Variants in TUBGCP2 observed in about 807,000 individuals in gnomAD.
TUBGCP2 encodes gamma-tubulin complex component 2.
A neutral mutation model predicts 92.2 loss-of-function variants in TUBGCP2; 55 were observed. The observed-to-expected ratio is 0.60, with a 90% confidence interval of 0.48 to 0.75. The LOEUF (loss-of-function observed/expected upper bound fraction) is 0.75, where lower values mean the gene tolerates loss of function less well. TUBGCP2 is among the 30% of genes least tolerant of loss of function. TUBGCP2 has a pLI of 0.00. For synonymous variants in TUBGCP2, 533 were observed against 505.2 expected, an observed-to-expected ratio of 1.06 and a Z score of -0.74; for missense variants, 1,093 against 1,188.9, an observed-to-expected ratio of 0.92 and a Z score of 1.19.
intron 11 of TUBGCP2, among the ~76,000 whole-genome samples, chr10:133,286,627 C>T (rs1847140891): frequency 1.3e-5 from 2 of 152,158 alleles, no homozygotes; most frequent in Admixed American, 6.5e-5. Context: ...GCACGGAACA[C>T]TCTCCAGGAT....
intron 17 of TUBGCP2, 96 bp from the exon 18 acceptor site, chr10:133,279,997 A>G (rs1846926576): frequency 2.0e-6 from 3 of 1,508,402 alleles, no homozygotes; most frequent in Admixed American, 2.4e-5. Flanking sequence ...TAGGGTGCAC[A>G]CCCCTTCTGC....
intron 4 of TUBGCP2, among the ~76,000 whole-genome samples, chr10:133,299,173 G>A (rs774577392): frequency 3.3e-5 from 5 of 152,126 alleles, no homozygotes; most frequent in African/African-American, 4.8e-5. Flanking sequence ...CAACTCCCAC[G>A]TGGGTCAGAA....
At chr10:133,299,210 C>A (rs1847567482) in intron 4 of TUBGCP2, among the ~76,000 whole-genome samples, 1 of 151,966 alleles carries the variant, frequency 6.6e-6, no homozygotes, top group African/African-American at 2.4e-5. Context: ...TCTTGTGGTC[C>A]AGAATTCTTG....
At chr10:133,307,920 G>GTA (rs1476971732) in intron 1 of TUBGCP2, among the ~76,000 whole-genome samples, 1 of 152,170 alleles carries the variant, frequency 6.6e-6, no homozygotes, top group Non-Finnish European at 1.5e-5. Flanking sequence ...CTAGACAACT[G>GTA]TAACACAGAG....
chr10:133,298,584 G>A (rs1399368411), intron 4 of TUBGCP2, among the ~76,000 whole-genome samples: 1 of 152,278 alleles, frequency 6.6e-6, no homozygotes, highest in African/African-American at 2.4e-5. Context: ...GATGGCTCCT[G>A]ACATGTGGTC....
At chr10:133,287,527 A>C (rs1219462882) in intron 11 of TUBGCP2, among the ~76,000 whole-genome samples, 1 of 152,202 alleles carries the variant, frequency 6.6e-6, no homozygotes, top group African/African-American at 2.4e-5. Context: ...GGATCACCTG[A>C]GGTCAAGAGT....
intron 4 of TUBGCP2, among the ~76,000 whole-genome samples, chr10:133,298,664 C>T (rs1465868833): frequency 6.6e-6 from 1 of 152,248 alleles, no homozygotes; most frequent in Non-Finnish European, 1.5e-5. Context: ...GCCCAGCTTT[C>T]GGAAGCACTG....
At chr10:133,304,113 A>C (rs1297259832) in intron 1 of TUBGCP2, among the ~76,000 whole-genome samples, 1 of 152,166 alleles carries the variant, frequency 6.6e-6, no homozygotes. Context: ...CAGGTGAGTC[A>C]CTCGAGGCCA....
At chr10:133,310,291 A>G, upstream of TUBGCP2, 2 of 1,613,880 alleles carry the variant, frequency 1.2e-6, no homozygotes, top group Non-Finnish European at 1.7e-6. Context: ...AGCAGAAGGT[A>G]GGGAGCCGCC....
chr10:133,290,217 G>A lies in TUBGCP2; in HGVS notation c.1215-248C>T, dbSNP rs140264739. 4,314 of 476,256 alleles carry A rather than the reference G, an allele frequency of 9.1e-3. 28 individuals are homozygous for A. Among genetic ancestry groups the A allele is most frequent in the Non-Finnish European group, 0.014 (3,543 of 262,406 alleles). 29.5% of individuals were successfully genotyped at this position (476,256 alleles called of 1,614,324 possible). ...CTCGGCTAAAACGAACCTAGGGGCC[G>A]GGCACAGTGGCTCACGCCTGTAACC... is the stretch of plus-strand genomic sequence containing the variant. On this transcript the variant is annotated intron_variant, in intron 8 of 17. Coordinates refer to ENST00000252936, the MANE Select transcript of TUBGCP2 (RefSeq NM_006659.4).
chr10:133,288,965 A>G lies in TUBGCP2; in HGVS notation c.1416T>C (p.Ala472=), dbSNP rs780544667. The change falls in exon 10 of 18, where the codon GCT becomes GCC. Residue 472 remains alanine, a synonymous_variant. Coordinates refer to ENST00000252936, the MANE Select transcript of TUBGCP2 (RefSeq NM_006659.4). The part of the protein sequence containing the change: ...ECGHDVTCPV[A]KEIIYTLKER... ...CTTTTAACGTGTAGATGATCTCTTTAGCCACCGGGCAGGTGACGTCATGGC... is the reference window on the plus strand; with the variant it reads ...CTTTTAACGTGTAGATGATCTCTTTGGCCACCGGGCAGGTGACGTCATGGC... The G allele has an allele frequency of 7.4e-6, 12 of 1,613,984 alleles. No individual in the cohort carries two copies. Among genetic ancestry groups the G allele is most frequent in the Non-Finnish European group, 8.5e-6 (10 of 1,179,990 alleles).
chr10:133,306,057 C>T (rs559999636), intron 1 of TUBGCP2, among the ~76,000 whole-genome samples: 1 of 152,376 alleles, frequency 6.6e-6, no homozygotes, highest in Non-Finnish European at 1.5e-5. Flanking sequence ...TAAGTTCTTA[C>T]ACTGTTGTTA....
Position 133,295,577 on chromosome 10 carries a change from T to C in TUBGCP2, c.617-1808A>G, listed in dbSNP as rs569541116. ...CGAACACGTGGCTCCTCCGTGCCGGTGTGGGGAAAAGGCAGGACGCGGGCA... is the reference window on the plus strand; with the variant it reads ...CGAACACGTGGCTCCTCCGTGCCGGCGTGGGGAAAAGGCAGGACGCGGGCA... On this transcript the variant is annotated intron_variant, in intron 5 of 17. Coordinates refer to ENST00000252936, the MANE Select transcript of TUBGCP2 (RefSeq NM_006659.4). 6 of 151,880 alleles carry C rather than the reference T, an allele frequency of 4.0e-5. 1 individual carries two copies. Among genetic ancestry groups the C allele is most frequent in the Non-Finnish European group, 7.4e-5 (5 of 67,998 alleles). The allele number at this position is 151,880 out of a possible 1,614,324, so 9.4% of individuals were successfully genotyped here.
intron 2 of TUBGCP2, 61 bp from the exon 3 acceptor site, chr10:133,300,174 AC>A: frequency 6.4e-7 from 1 of 1,569,290 alleles, no homozygotes; most frequent in Non-Finnish European, 8.6e-7. Flanking sequence ...GTAAAAAAAA[AC>A]CTTTACGAAA....
upstream of TUBGCP2, chr10:133,310,640 G>T (rs1293097681): frequency 6.3e-6 from 2 of 315,254 alleles, no homozygotes; most frequent in Admixed American, 4.7e-5. Flanking sequence ...CACACCCCTC[G>T]GGGCCGTGTC....
chr10:133,279,830 G>A lies in TUBGCP2; in HGVS notation c.2645C>T (p.Pro882Leu). Reference sequence around the variant, plus strand: ...GGGCCCCCGCAGGACAGGCACTTGGGGGGTGGCCTTCTGGCTCCTCTCTGC... The same window carrying A: ...GGGCCCCCGCAGGACAGGCACTTGGAGGGTGGCCTTCTGGCTCCTCTCTGC... ...LSAERSQKAT[P>L]QVPVLRGPPA... The change falls in exon 18 of 18, where the codon CCC becomes CTC. Residue 882 changes from proline (P) to leucine (L), a missense_variant. Physicochemically the swap from Pro to Leu is moderately conservative, Grantham distance 98. Transcript: ENST00000252936. 2 of 1,595,812 alleles carry A rather than the reference G, an allele frequency of 1.3e-6. No individual in the cohort carries two copies. Among genetic ancestry groups the A allele is most frequent in the Non-Finnish European group, 8.5e-7 (1 of 1,172,168 alleles).
At chr10:133,279,931 C>T in intron 17 of TUBGCP2, 30 bp from the exon 18 acceptor site, 1 of 1,600,814 alleles carries the variant, frequency 6.2e-7, no homozygotes, top group Non-Finnish European at 8.5e-7. Context: ...AGCTGGGGTG[C>T]ACACCCCTTC....
At position 133,292,578 on chromosome 10, in the gene TUBGCP2, G is replaced by T. The variant is rs1418402583; in HGVS notation, c.1135C>A (p.Leu379Ile). The change falls in exon 8 of 18, where the codon CTA becomes ATA. Residue 379 changes from leucine to isoleucine, a missense_variant. By Grantham distance (5) the Leu-to-Ile change is conservative (BLOSUM62 2). This residue lies in a region of TUBGCP2 where 490 missense variants were observed against 488.5 expected (regional missense o/e 1.00). Transcript: ENST00000252936. ...DSQAQELCLY[L>I]TKAASAPYFE... ...TAGGGAGCACTGGCCGCCTTGGTTA[G>T]GTACAGGCATAGCTCCTGCGCCTGG... The T allele has an allele frequency of 2.5e-6, 4 of 1,614,178 alleles. No individual in the cohort carries two copies. Among genetic ancestry groups the T allele is most frequent in the Non-Finnish European group, 3.4e-6 (4 of 1,180,026 alleles).
rs750253230 is a variant in TUBGCP2, at chr10:133,281,342, T to G, written c.2504A>C (p.Asp835Ala). The G allele has an allele frequency of 6.2e-7, 1 of 1,613,500 alleles. No individual in the cohort carries two copies. Among genetic ancestry groups the G allele is most frequent in the South Asian group, 1.1e-5 (1 of 91,056 alleles). Residue 835 changes from aspartate to alanine, a missense_variant, in exon 17 of 18, where the codon GAC (aspartate) becomes GCC (alanine). Around this residue, in one of 3 missense-constraint regions of TUBGCP2, gnomAD observed 598 missense variants for 675.5 expected, o/e 0.89. Coordinates refer to ENST00000252936, the MANE Select transcript of TUBGCP2 (RefSeq NM_006659.4). The stretch of plus-strand genomic sequence containing the variant: ...ATAGATGCTCAGCCGGGCCAGGAGG[T>G]CCAGCAGGTGGGCTGAGAAGTTCTT... ...FDKNFSAHLL[D>A]LLARLSIYST...
Sources: gnomAD v4.1 joint callset for allele counts (sites outside exome capture counted in the v4.1 genomes callset) on GRCh38, gnomAD v4.1.1 for gene constraint, gnomAD v4.1.1 regional missense constraint, MANE v1.5 for transcripts, NCBI Gene and HGNC (gene_info 2026-07-23, HGNC 2026-07-21) for gene names.